Variants in CTNNA3 observed in about 807,000 individuals in gnomAD.
CTNNA3 encodes the protein catenin alpha 3.
Under a neutral mutation model 95.7 loss-of-function variants are expected in CTNNA3, and 76 were observed. The observed-to-expected ratio is 0.79, with a 90% CI of 0.66 to 0.96. The LOEUF is 0.96. Ranked by LOEUF, CTNNA3 falls within the 40% of genes least tolerant of loss-of-function variation. CTNNA3 has a pLI of 0.00. For synonymous variants in CTNNA3, 431 were observed against 374.4 expected (o/e 1.15, Z -1.74); for missense variants, 1,191 against 1,089.8 (o/e 1.09, Z -1.31).
chr10:67,451,532 A>C (rs896914228), intron 5 of CTNNA3, among the ~76,000 whole-genome samples: 1 of 152,160 alleles, frequency 6.6e-6, no homozygotes, highest in African/African-American at 2.4e-5. Flanking sequence ...AAAAACAGAC[A>C]ATTCATGAAA....
intron 7 of CTNNA3, among the ~76,000 whole-genome samples, chr10:67,021,720 A>G (rs1432098915): frequency 6.6e-6 from 1 of 152,194 alleles, no homozygotes; most frequent in Non-Finnish European, 1.5e-5. Flanking sequence ...ATACTAAAAA[A>G]TTTCCTCTTA....
At chr10:66,194,450 G>A (rs1432187241) in intron 13 of CTNNA3, among the ~76,000 whole-genome samples, 2 of 152,028 alleles carry the variant, frequency 1.3e-5, no homozygotes, top group Non-Finnish European at 2.9e-5. Flanking sequence ...CATGGTGGCA[G>A]GCACCTGTAA....
chr10:67,033,526 C>T (rs554738891), intron 7 of CTNNA3, among the ~76,000 whole-genome samples: 6 of 152,344 alleles, frequency 3.9e-5, no homozygotes, highest in African/African-American at 1.4e-4. Context: ...AAGTTGAGTG[C>T]AGTAGACATA....
intron 7 of CTNNA3, among the ~76,000 whole-genome samples, chr10:67,130,230 T>C (rs1859926539): frequency 1.3e-5 from 2 of 152,052 alleles, no homozygotes; most frequent in African/African-American, 4.8e-5. Flanking sequence ...GACCAGAACA[T>C]CACGGTGCCT....
chr10:67,109,906 A>C (rs1250793167), intron 7 of CTNNA3, among the ~76,000 whole-genome samples: 1 of 152,180 alleles, frequency 6.6e-6, no homozygotes, highest in Non-Finnish European at 1.5e-5. Context: ...TGTCCGTATT[A>C]ACTCGAAGAA....
At position 66,730,093 on chromosome 10, in the gene CTNNA3, G is replaced by A. The variant is rs142401828; in HGVS notation, c.1281+36171C>T. Among the ~76,000 whole-genome samples the A allele has an allele frequency of 7.6e-3, 1,005 of 132,076 alleles. 9 individuals are homozygous for A. The highest frequency in any genetic ancestry group is 0.018 in the African/African-American group (658 of 36,564). The allele number at this position is 132,076 out of a possible 152,430, so 86.6% of individuals were successfully genotyped here. ...TGCACTCCAGCCTGGGTGACAGAGC[G>A]ATACTCTGTCTGAAAAAAAAAAAAA... On this transcript the variant is annotated intron_variant, in intron 9 of 17. Coordinates refer to ENST00000433211, the MANE Select transcript of CTNNA3 (RefSeq NM_013266.4).
At chr10:67,677,658 T>A (rs556214792) in intron 1 of CTNNA3, among the ~76,000 whole-genome samples, 1 of 152,190 alleles carries the variant, frequency 6.6e-6, no homozygotes, top group South Asian at 2.1e-4. Flanking sequence ...CCTAGACACC[T>A]CCTAGCAATA....
chr10:67,198,734 G>A (rs1863495017), intron 6 of CTNNA3, among the ~76,000 whole-genome samples: 1 of 152,122 alleles, frequency 6.6e-6, no homozygotes, highest in Non-Finnish European at 1.5e-5. Context: ...GAGAAGACCT[G>A]TAGAAAAAAT....
chr10:67,291,040 G>C (rs889123137), intron 5 of CTNNA3, among the ~76,000 whole-genome samples: 3 of 152,056 alleles, frequency 2.0e-5, no homozygotes, highest in Admixed American at 6.6e-5. Flanking sequence ...TGAAAGGATG[G>C]ACTCCGGAGT....
chr10:67,161,303 T>C (rs571184091), intron 7 of CTNNA3, among the ~76,000 whole-genome samples: 72 of 152,124 alleles, frequency 4.7e-4, no homozygotes, highest in Middle Eastern at 3.5e-3. Flanking sequence ...TCTTCAGTTT[T>C]CTAAATTATG....
At chr10:67,501,638 A>G (rs1449917275) in intron 5 of CTNNA3, among the ~76,000 whole-genome samples, 1 of 151,968 alleles carries the variant, frequency 6.6e-6, no homozygotes, top group Non-Finnish European at 1.5e-5. Flanking sequence ...ATAGTCCCAT[A>G]TTTCTTGGAG....
At chr10:67,077,774 G>A (rs1302740109) in intron 7 of CTNNA3, among the ~76,000 whole-genome samples, 4 of 151,854 alleles carry the variant, frequency 2.6e-5, no homozygotes, top group Non-Finnish European at 5.9e-5. Flanking sequence ...TAAGACAGTA[G>A]GTGGCATATT....
At chr10:67,528,821 C>T (rs1368375701) in intron 4 of CTNNA3, among the ~76,000 whole-genome samples, 2 of 152,056 alleles carry the variant, frequency 1.3e-5, no homozygotes, top group Admixed American at 1.3e-4. Context: ...ATTAATTAAT[C>T]AAATCAGAGA....
intron 11 of CTNNA3, among the ~76,000 whole-genome samples, chr10:66,385,551 A>G (rs922867957): frequency 6.6e-6 from 1 of 152,194 alleles, no homozygotes; most frequent in Non-Finnish European, 1.5e-5. Context: ...AAACTATTCC[A>G]ATCAACAGAA....
At chr10:67,582,979 A>G (rs563521097) in intron 3 of CTNNA3, among the ~76,000 whole-genome samples, 6 of 152,128 alleles carry the variant, frequency 3.9e-5, no homozygotes, top group African/African-American at 1.2e-4. Flanking sequence ...GGTTTCCTGA[A>G]TACAGCACAC....
At chr10:66,735,746 ATAGAAGAAATTGTTAT>A (rs1849114149) in intron 9 of CTNNA3, among the ~76,000 whole-genome samples, 2 of 152,210 alleles carry the variant, frequency 1.3e-5, no homozygotes, top group African/African-American at 4.8e-5. Context: ...AGAGGATATT[ATAGAAGAAATTGTTAT>A]TTCTTCACAA....
chr10:67,726,122 T>A (rs1392019997), intron 1 of CTNNA3, among the ~76,000 whole-genome samples: 1 of 113,544 alleles, frequency 8.8e-6, no homozygotes, highest in Admixed American at 1.2e-4. Context: ...TATATTATTA[T>A]ATTAGATAAT....
intron 10 of CTNNA3, among the ~76,000 whole-genome samples, chr10:66,528,951 T>C (rs1377297965): frequency 1.3e-5 from 2 of 152,162 alleles, no homozygotes; most frequent in South Asian, 2.1e-4. Context: ...ACATCATTTA[T>C]ACAAATGTAT....
intron 5 of CTNNA3, among the ~76,000 whole-genome samples, chr10:67,338,957 T>C (rs560705478): frequency 6.6e-6 from 1 of 152,320 alleles, no homozygotes; most frequent in African/African-American, 2.4e-5. Context: ...GCTCCCCTCT[T>C]TCATGGAATC....
Sources: gnomAD v4.1 joint callset for allele counts (sites outside exome capture counted in the v4.1 genomes callset) on GRCh38, gnomAD v4.1.1 for gene constraint, MANE v1.5 for transcripts, NCBI Gene and HGNC (gene_info 2026-07-23, HGNC 2026-07-21) for gene names.